Variants in ADGRF5 observed in about 807,000 individuals in gnomAD.
ADGRF5 encodes G-protein coupled receptor 116.
A neutral mutation model predicts 132.3 loss-of-function variants in ADGRF5; 75 were observed. The ratio of observed to expected loss-of-function variants is 0.57; its 90% CI spans 0.47 to 0.69. ADGRF5 has a LOEUF of 0.69. Ranked by LOEUF, ADGRF5 falls within the 30% of genes least tolerant of loss-of-function variation. The probability of loss-of-function intolerance (pLI) is 0.00; values close to 1 mark genes in which losing one functional copy is unlikely to be tolerated. For missense variants in ADGRF5, 1,516 were observed against 1,630.6 expected, an observed-to-expected ratio of 0.93 and a Z score of 1.21; for synonymous variants, 629 against 597.6, an observed-to-expected ratio of 1.05 and a Z score of -0.77.
intron 1 of ADGRF5, among the ~76,000 whole-genome samples, chr6:46,936,877 G>A (rs1462663784): frequency 6.6e-6 from 1 of 152,226 alleles, no homozygotes; most frequent in East Asian, 1.9e-4. Flanking sequence ...CTTCCAGGCT[G>A]CAGTTTTGGC....
rs1423010832 is a variant in ADGRF5 at position 46,883,593 on chromosome 6, A to C, written c.578T>G (p.Leu193Arg). 2 of 1,609,080 alleles carry C rather than the reference A, an allele frequency of 1.2e-6. No homozygotes were observed. The highest frequency in any genetic ancestry group is 1.7e-6 in the Non-Finnish European group (2 of 1,177,904). ...QEDLMNTSSA[L>R]YRSYKTDLET... Reference sequence around the variant, plus strand: ...CAAGTCGGTCTTGTAGGACCTATAGAGGGCGGAGGAAGTGTTCATGAGGTC... The same window carrying C: ...CAAGTCGGTCTTGTAGGACCTATAGCGGGCGGAGGAAGTGTTCATGAGGTC... Residue 193 changes from leucine to arginine, a missense_variant, in exon 6 of 21, where the codon CTC becomes CGC. This residue lies in a region of ADGRF5 where 945 missense variants were observed against 929.4 expected (regional missense o/e 1.02). Coordinates refer to ENST00000283296, the MANE Select transcript of ADGRF5 (RefSeq NM_001098518.2).
chr6:46,878,015 A>G (rs1474227676), intron 10 of ADGRF5, among the ~76,000 whole-genome samples, 187 bp downstream of exon 10: 3 of 152,064 alleles, frequency 2.0e-5, no homozygotes, highest in Non-Finnish European at 4.4e-5. Context: ...TTGTGTGCAT[A>G]TATTTTTGGG....
chr6:46,884,313 G>A (rs1333314610), intron 4 of ADGRF5, 42 bp from the exon 5 acceptor site: 2 of 1,507,062 alleles, frequency 1.3e-6, no homozygotes, highest in Non-Finnish European at 1.8e-6. Context: ...AGGTGGAGAA[G>A]GTGGTCACCA....
At chr6:46,866,861 TA>T in intron 13 of ADGRF5, 63 bp downstream of exon 13, 2 of 993,646 alleles carry the variant, frequency 2.0e-6, no homozygotes, top group Non-Finnish European at 3.2e-6. Context: ...ATTTTAAGAC[TA>T]AATTTTTAGA....
chr6:46,873,378 C>T (rs115243447), intron 10 of ADGRF5, among the ~76,000 whole-genome samples: 7 of 152,258 alleles, frequency 4.6e-5, no homozygotes, highest in Non-Finnish European at 7.4e-5. Context: ...GAAAGTGTTC[C>T]TTTAAGGCCA....
At chr6:46,931,155 G>C (rs1043421167) in intron 1 of ADGRF5, among the ~76,000 whole-genome samples, 1 of 152,144 alleles carries the variant, frequency 6.6e-6, no homozygotes, top group African/African-American at 2.4e-5. Context: ...AGGATGATAG[G>C]CCTGCCCCTT....
chr6:46,954,135 T>C (rs1778632908), intron 1 of ADGRF5, among the ~76,000 whole-genome samples: 1 of 152,090 alleles, frequency 6.6e-6, no homozygotes, highest in Admixed American at 6.5e-5. Flanking sequence ...CCCTGGATAT[T>C]CGTTGTCACT....
At chr6:46,932,323 T>C (rs1025559164) in intron 1 of ADGRF5, among the ~76,000 whole-genome samples, 7 of 152,230 alleles carry the variant, frequency 4.6e-5, no homozygotes, top group Non-Finnish European at 8.8e-5. Context: ...GCTAGGTAAC[T>C]GTTAAAAGGA....
intron 1 of ADGRF5, among the ~76,000 whole-genome samples, chr6:46,912,981 C>T (rs1412712331): frequency 6.6e-6 from 1 of 152,198 alleles, no homozygotes; most frequent in Non-Finnish European, 1.5e-5. Flanking sequence ...CAGTCAGCCC[C>T]TTTTTGCTGG....
At chr6:46,931,510 G>A (rs1777553823) in intron 1 of ADGRF5, among the ~76,000 whole-genome samples, 1 of 152,098 alleles carries the variant, frequency 6.6e-6, no homozygotes, top group Non-Finnish European at 1.5e-5. Context: ...GACATAGTTG[G>A]CCACTTCTTC....
intron 1 of ADGRF5, among the ~76,000 whole-genome samples, chr6:46,936,110 CG>C (rs989671139): frequency 4.6e-5 from 7 of 152,284 alleles, no homozygotes; most frequent in African/African-American, 1.7e-4. Flanking sequence ...CACAGTGTGT[CG>C]GGTCCTGCTC....
chr6:46,920,535 G>GAA (rs1352283760), intron 1 of ADGRF5, among the ~76,000 whole-genome samples: 1 of 134,448 alleles, frequency 7.4e-6, no homozygotes, highest in Non-Finnish European at 1.6e-5. Context: ...TTGGGGGGGG[G>GAA]GAAGAGAGTG....
chr6:46,866,528 G>A (rs1401472412), intron 13 of ADGRF5, among the ~76,000 whole-genome samples: 1 of 151,838 alleles, frequency 6.6e-6, no homozygotes, highest in Non-Finnish European at 1.5e-5. Context: ...TACTTTTTTG[G>A]CACTTGGTTG....
intron 1 of ADGRF5, among the ~76,000 whole-genome samples, chr6:46,914,600 C>A (rs1377500032): frequency 6.6e-6 from 1 of 152,078 alleles, no homozygotes; most frequent in Non-Finnish European, 1.5e-5. Context: ...CACATGTGGG[C>A]GGCGTTGATA....
Position 46,919,494 on chromosome 6 carries a change from T to A in ADGRF5, c.-25+2219A>T, listed in dbSNP as rs943657070. 2.0e-5 allele frequency among the ~76,000 whole-genome samples: 3 copies of A among 152,320 alleles called. No homozygotes were observed. In the East Asian group the frequency reaches 5.8e-4, roughly 29 times the overall value. On this transcript the variant is annotated intron_variant, in intron 1 of 20. Transcript: ENST00000283296. ...TTTAGGAGGAGACAGATTAGCCTCA[T>A]TAACGTGAGGAGGTGGGACCCCATG...
At chr6:46,939,797 T>C (rs1372329194) in intron 1 of ADGRF5, among the ~76,000 whole-genome samples, 1 of 152,226 alleles carries the variant, frequency 6.6e-6, no homozygotes, top group East Asian at 1.9e-4. Context: ...ATAGAGATTG[T>C]AAATGGAATT....
At chr6:46,928,867 A>T (rs1048578834) in intron 1 of ADGRF5, among the ~76,000 whole-genome samples, 2 of 152,162 alleles carry the variant, frequency 1.3e-5, no homozygotes, top group African/African-American at 4.8e-5. Flanking sequence ...GATGTGGAGA[A>T]ATAGGAACAC....
At chr6:46,885,426 A>G (rs995078764) in intron 4 of ADGRF5, among the ~76,000 whole-genome samples, 1 of 152,096 alleles carries the variant, frequency 6.6e-6, no homozygotes, top group Non-Finnish European at 1.5e-5. Context: ...TTGTTTTTCC[A>G]TTACCATAAA....
chr6:46,877,226 T>TCTTC (rs1771767066), intron 10 of ADGRF5, among the ~76,000 whole-genome samples: 1 of 16,446 alleles, frequency 6.1e-5, no homozygotes, highest in East Asian at 1.7e-3. Context: ...TTATTTCCTC[T>TCTTC]CTTTCTTTCT....
Sources: gnomAD v4.1 joint callset for allele counts (sites outside exome capture counted in the v4.1 genomes callset) on GRCh38, gnomAD v4.1.1 for gene constraint, gnomAD v4.1.1 regional missense constraint, MANE v1.5 for transcripts, NCBI Gene and HGNC (gene_info 2026-07-23, HGNC 2026-07-21) for gene names.